PCDHGB1: variants seen among roughly 807,000 people sequenced by gnomAD.
The protein encoded by PCDHGB1 is protocadherin gamma-B1.
Under a neutral mutation model 56.6 loss-of-function variants are expected in PCDHGB1, and 34 were observed. The observed-to-expected ratio is 0.60, with a 90% confidence interval of 0.46 to 0.80. The LOEUF (loss-of-function observed/expected upper bound fraction) is 0.80, where lower values mean the gene tolerates loss of function less well. Ranked by LOEUF, PCDHGB1 falls within the 30% of genes least tolerant of loss-of-function variation. The probability of loss-of-function intolerance (pLI) is 0.00; values close to 1 mark genes in which losing one functional copy is unlikely to be tolerated. For synonymous variants in PCDHGB1, 561 were observed against 505.9 expected, an observed-to-expected ratio of 1.11 and a Z score of -1.46; for missense variants, 1,278 against 1,204.6, an observed-to-expected ratio of 1.06 and a Z score of -0.90.
At chr5:141,408,956 A>G in intron 1 of PCDHGB1, 1 of 1,613,714 alleles carries the variant, frequency 6.2e-7, no homozygotes, top group Non-Finnish European at 8.5e-7. Flanking sequence ...AATTAGTCTT[A>G]GTGAAAATCT....
chr5:141,465,688 G>C (rs1386213425), intron 1 of PCDHGB1, among the ~76,000 whole-genome samples: 1 of 152,086 alleles, frequency 6.6e-6, no homozygotes, highest in African/African-American at 2.4e-5. Context: ...TGACCAGTCT[G>C]CTTTTGCATT....
Position 141,512,089 on chromosome 5 carries a change from T to C in PCDHGB1, c.*916T>C, listed in dbSNP as rs1292597067. 6.6e-6 allele frequency: 1 copy of C among 152,606 alleles called. No individual in the cohort carries two copies. Among genetic ancestry groups the C allele is most frequent in the Non-Finnish European group, 1.5e-5 (1 of 68,068 alleles). 9.5% of individuals were successfully genotyped at this position (152,606 alleles called of 1,614,324 possible). A position where few individuals can be genotyped will look rare whatever the true frequency, so the allele number is the denominator to read the frequency against. ...CCTCCAGATTCCAGCCATAAACCAA[T>C]AACTAGGCTGGACCCTTCCCACTAC... On this transcript the variant is annotated 3_prime_UTR_variant, in exon 4 of 4. Coordinates refer to ENST00000523390, the MANE Select transcript of PCDHGB1 (RefSeq NM_018922.3).
rs770354956 is a variant in PCDHGB1, at chr5:141,399,731, C to T, written c.2409+47062C>T. Reference sequence around the variant, plus strand: ...ACACTACAGGCCCGCGACCAGGGCTCGCCTGCGCTCAGCGCAAACGTGAGC... The same window carrying T: ...ACACTACAGGCCCGCGACCAGGGCTTGCCTGCGCTCAGCGCAAACGTGAGC... On this transcript the variant is annotated intron_variant, in intron 1 of 3. Transcript: ENST00000523390. 229 of 1,613,292 alleles carry T rather than the reference C, an allele frequency of 1.4e-4. No homozygotes were observed. The highest frequency in any genetic ancestry group is 1.8e-4 in the Non-Finnish European group (217 of 1,179,878).
intron 1 of PCDHGB1, chr5:141,357,555 T>C (rs1760655729): frequency 1.2e-5 from 20 of 1,614,086 alleles, no homozygotes; most frequent in Non-Finnish European, 1.7e-5. Flanking sequence ...GGGAGAGTTG[T>C]GAGAAAAGCG....
chr5:141,410,087 G>A (rs1427716409), intron 1 of PCDHGB1: 1 of 1,612,482 alleles, frequency 6.2e-7, no homozygotes, highest in African/African-American at 1.3e-5. Flanking sequence ...GGTGCGCACG[G>A]CTCGAGCCTT....
intron 1 of PCDHGB1, chr5:141,430,662 C>A: frequency 8.6e-7 from 1 of 1,169,068 alleles, no homozygotes; most frequent in Non-Finnish European, 1.2e-6. Context: ...AACGGAGGAG[C>A]TCTGACTTCC....
intron 1 of PCDHGB1, among the ~76,000 whole-genome samples, chr5:141,379,866 T>A (rs1199183265): frequency 1.3e-5 from 2 of 149,428 alleles, no homozygotes; most frequent in Non-Finnish European, 3.0e-5. Context: ...GTCTTATTCT[T>A]ATTTTATGGT....
chr5:141,491,783 A>C lies in PCDHGB1; in HGVS notation c.2410-3024A>C. 1 of 1,539,736 alleles carries C rather than the reference A, an allele frequency of 6.5e-7. No individual in the cohort carries two copies. The highest frequency in any genetic ancestry group is 1.2e-5 in the South Asian group (1 of 82,444). On this transcript the variant is annotated intron_variant, in intron 1 of 3. Coordinates refer to ENST00000523390, the MANE Select transcript of PCDHGB1 (RefSeq NM_018922.3). The surrounding 1 kb of genome is among the most constrained non-coding windows in gnomAD (Gnocchi z 6.9). ...CGTCCTCATAAGGGATTGAACTTGC[A>C]TCCACTCCTCTCCGGCCGGCTTGGT...
In PCDHGB1 at chr5:141,352,488, C is replaced by A; in HGVS notation, c.2228C>A (p.Thr743Asn). 1 of 1,614,022 alleles carries A rather than the reference C, an allele frequency of 6.2e-7. No homozygotes were observed. Among genetic ancestry groups the A allele is most frequent in the East Asian group, 2.2e-5 (1 of 44,884 alleles). ...PGVPPNHSEG[T>N]LPYSYNLCIA... is the part of the protein sequence containing the mutation. ...GTTCCTCCCAACCACAGCGAGGGGA[C>A]TTTGCCCTATTCCTACAATCTATGT... is the stretch of plus-strand genomic sequence containing the variant. The change falls in exon 1 of 4, where the codon ACT becomes AAT. Residue 743 changes from threonine (T) to asparagine (N), a missense_variant. Transcript: ENST00000523390.
intron 1 of PCDHGB1, chr5:141,370,473 C>A: frequency 6.2e-7 from 1 of 1,613,496 alleles, no homozygotes; most frequent in Non-Finnish European, 8.5e-7. Flanking sequence ...TTTGTTAGAC[C>A]AGGCTCTCTC....
chr5:141,390,042 G>A, intron 1 of PCDHGB1: 1 of 1,614,034 alleles, frequency 6.2e-7, no homozygotes, highest in Non-Finnish European at 8.5e-7. Flanking sequence ...CTCCAGCCCC[G>A]CCTCCTGGAG....
At chr5:141,366,593 C>T in intron 1 of PCDHGB1, 1 of 1,614,248 alleles carries the variant, frequency 6.2e-7, no homozygotes, top group Non-Finnish European at 8.5e-7. Flanking sequence ...GACCTATTCC[C>T]ACGAGGTCTC....
At chr5:141,388,133 G>T (rs2091251188) in intron 1 of PCDHGB1, 3 of 1,450,776 alleles carry the variant, frequency 2.1e-6, no homozygotes. Flanking sequence ...AGAGCGGGGA[G>T]TTGCTTGTGA....
At position 141,422,880 on chromosome 5, in the gene PCDHGB1, G is replaced by C. The variant is rs970045921; in HGVS notation, c.2409+70211G>C. The C allele has an allele frequency of 7.4e-6, 12 of 1,614,140 alleles. No individual in the cohort carries two copies. In the Admixed American group the frequency reaches 2.0e-4, roughly 27 times the overall value. ...TCAGCAGCAACGTGTCGCTGAGCCT[G>C]TTCGTGCTGGACCAGAACGACAATG... On this transcript the variant is annotated intron_variant, in intron 1 of 3. Coordinates refer to ENST00000523390, the MANE Select transcript of PCDHGB1 (RefSeq NM_018922.3).
Position 141,431,599 on chromosome 5 carries a change from C to T in PCDHGB1, c.2410-63208C>T. On this transcript the variant is annotated intron_variant, in intron 1 of 3. Transcript: ENST00000523390. The surrounding 1 kb of genome is among the most constrained non-coding windows in gnomAD (Gnocchi z 4.8). ...GAGTCAATGCGGAAGTGAGGTATTC[C>T]TTCCGGTATGTGGACGACAAGGCGG... 1 of 1,614,194 alleles carries T rather than the reference C, an allele frequency of 6.2e-7. No individual in the cohort carries two copies. The highest frequency in any genetic ancestry group is 8.5e-7 in the Non-Finnish European group (1 of 1,180,034).
At chr5:141,410,178 C>G in intron 1 of PCDHGB1, 2 of 1,613,890 alleles carry the variant, frequency 1.2e-6, no homozygotes, top group South Asian at 1.1e-5. Flanking sequence ...GCCACCGCCA[C>G]GCTTCATCTG....
At chr5:141,387,016 T>C (rs2090783508) in intron 1 of PCDHGB1, among the ~76,000 whole-genome samples, 1 of 152,202 alleles carries the variant, frequency 6.6e-6, no homozygotes, top group South Asian at 2.1e-4. Flanking sequence ...ACTTTGAAGA[T>C]GAATGTTGTA....
chr5:141,372,417 C>T lies in PCDHGB1; in HGVS notation c.2409+19748C>T, dbSNP rs762705826. 12 of 1,614,062 alleles carry T rather than the reference C, an allele frequency of 7.4e-6. No homozygotes were observed. In the South Asian group the frequency reaches 1.2e-4, roughly 16 times the overall value. ...TAGCTTGCAAGAGATACAACCTGAC[C>T]TTAGCGACCGCCCCACTCCCTCTGA... On this transcript the variant is annotated intron_variant, in intron 1 of 3. Transcript: ENST00000523390.
intron 1 of PCDHGB1, chr5:141,408,518 T>G: frequency 6.2e-7 from 1 of 1,614,012 alleles, no homozygotes; most frequent in Non-Finnish European, 8.5e-7. Flanking sequence ...TGAGTTGCAA[T>G]TGGAAGCTGT....
Sources: gnomAD v4.1 joint callset for allele counts (sites outside exome capture counted in the v4.1 genomes callset) on GRCh38, gnomAD v4.1.1 for gene constraint, Gnocchi (gnomAD v3.1) non-coding constraint, MANE v1.5 for transcripts, NCBI Gene and HGNC (gene_info 2026-07-23, HGNC 2026-07-21) for gene names.